NECAB2: variants seen among roughly 807,000 people sequenced by gnomAD.
NECAB2 encodes the protein N-terminal EF-hand calcium binding protein 2, also known as N-terminal EF-hand calcium-binding protein 2.
Under a neutral mutation model 51.9 loss-of-function variants are expected in NECAB2, and 68 were observed. The ratio of observed to expected loss-of-function variants is 1.31; its 90% CI spans 1.08 to 1.60. The LOEUF (loss-of-function observed/expected upper bound fraction) is 1.60, where lower values mean the gene tolerates loss of function less well. NECAB2 is among the 40% of genes most tolerant of loss of function. NECAB2 has a pLI of 0.00. For synonymous variants in NECAB2, 329 were observed against 203.5 expected, an observed-to-expected ratio of 1.62 and a Z score of -5.25; for missense variants, 854 against 490.3, an observed-to-expected ratio of 1.74 and a Z score of -7.00.
At chr16:83,992,375 C>CG (rs1686923589) in intron 6 of NECAB2, among the ~76,000 whole-genome samples, 1 of 124,132 alleles carries the variant, frequency 8.1e-6, no homozygotes, top group African/African-American at 5.8e-5. Context: ...CACGAGCACC[C>CG]GTCCCCCCGC....
At chr16:83,980,778 G>A in intron 3 of NECAB2, 61 bp from the exon 4 acceptor site, 1 of 1,538,736 alleles carries the variant, frequency 6.5e-7, no homozygotes, top group Non-Finnish European at 8.8e-7. Context: ...GGCTGTGCAG[G>A]GTCAGGCCTG....
At chr16:83,969,470 C>A (rs1332802699) in intron 1 of NECAB2, among the ~76,000 whole-genome samples, 2 of 151,832 alleles carry the variant, frequency 1.3e-5, no homozygotes, top group Admixed American at 6.6e-5. Flanking sequence ...CTCTGGTCTT[C>A]CCCACCCCGC....
In NECAB2 at chr16:83,978,494, G is replaced by A. The variant is rs753504247; in HGVS notation, c.277G>A (p.Val93Ile). The change falls in exon 3 of 13, where the codon GTC becomes ATC. Residue 93 changes from valine to isoleucine, a missense_variant. By Grantham distance (29) the Val-to-Ile change is conservative. Transcript: ENST00000305202. The part of the protein sequence containing the change: ...EEFQLFFADG[V>I]LNEKELEDLF... Reference sequence around the variant, plus strand: ...ATTCCAGCTCTTCTTTGCAGATGGCGTCCTTAATGAGAAAGAACTGGAGGA... The same window carrying A: ...ATTCCAGCTCTTCTTTGCAGATGGCATCCTTAATGAGAAAGAACTGGAGGA... 7.9e-5 allele frequency: 128 copies of A among 1,613,850 alleles called. 1 individual carries two copies. The highest frequency in any genetic ancestry group is 5.7e-4 in the South Asian group (52 of 91,072).
intron 8 of NECAB2, among the ~76,000 whole-genome samples, chr16:83,996,329 G>C (rs183124715): frequency 4.6e-5 from 7 of 152,328 alleles, no homozygotes; most frequent in African/African-American, 1.7e-4. Flanking sequence ...CCAGAAGGCA[G>C]TACCCTTGCC....
Position 83,987,945 on chromosome 16 carries a change from C to G in NECAB2, c.460-2549C>G, listed in dbSNP as rs74032348. ...AGTACATGAAGATTTAATAATGGCA[C>G]GTCTTTGTTATAACTTTATGCCTTT... On this transcript the variant is annotated intron_variant, in intron 5 of 12. Transcript: ENST00000305202. 1.6e-3 allele frequency among the ~76,000 whole-genome samples: 237 copies of G among 152,288 alleles called. 1 individual carries two copies. Among genetic ancestry groups the G allele is most frequent in the African/African-American group, 5.5e-3 (229 of 41,536 alleles).
intron 2 of NECAB2, among the ~76,000 whole-genome samples, chr16:83,977,260 C>T (rs1156660871): frequency 1.3e-5 from 2 of 152,082 alleles, no homozygotes; most frequent in Non-Finnish European, 2.9e-5. Flanking sequence ...GACCTCCATG[C>T]CACTCACATA....
chr16:83,980,894 T>C lies in NECAB2; in HGVS notation c.361+30T>C. The C allele has an allele frequency of 2.5e-6, 4 of 1,613,394 alleles. 1 individual carries two copies. The South Asian group carries it at 3.3e-5, about 13-fold the overall frequency. On this transcript the variant is annotated intron_variant, in intron 4 of 12. Transcript: ENST00000305202. ...GTGCCTGGCTATGCTGGGACCAAGA[T>C]GGGGATGCTGGGATGGGGCTGGATG...
chr16:83,993,700 C>G (rs1336821895), intron 6 of NECAB2: 4 of 150,958 alleles, frequency 2.6e-5, no homozygotes, highest in African/African-American at 1.0e-4. Context: ...CTGTGCCTGT[C>G]AGGGCACGCA....
rs1471560163 is a variant in NECAB2 at position 83,968,620 on chromosome 16, T to C, written c.-29T>C. 5 of 977,692 alleles carry C rather than the reference T, an allele frequency of 5.1e-6. No individual in the cohort carries two copies. The highest frequency in any genetic ancestry group is 6.0e-6 in the Non-Finnish European group (5 of 826,906). 60.6% of individuals were successfully genotyped at this position (977,692 alleles called of 1,614,324 possible). A position where few individuals can be genotyped will look rare whatever the true frequency, so the allele number is the denominator to read the frequency against. The stretch of plus-strand genomic sequence containing the variant: ...CGCAGCTGGGCGGGGGTCGGCGGGC[T>C]TCCGGGCGGCGGCGGCGGGCGCGGC... On this transcript the variant is annotated 5_prime_UTR_variant, in exon 1 of 13. Coordinates refer to ENST00000305202, the MANE Select transcript of NECAB2 (RefSeq NM_019065.3).
intron 2 of NECAB2, among the ~76,000 whole-genome samples, chr16:83,973,779 G>C (rs1377008279): frequency 6.6e-6 from 1 of 152,066 alleles, no homozygotes; most frequent in African/African-American, 2.4e-5. Flanking sequence ...CGTGTTTGTT[G>C]GTGAGAGCGT....
chr16:83,999,459 G>A (rs1326473522), intron 10 of NECAB2, among the ~76,000 whole-genome samples: 1 of 152,284 alleles, frequency 6.6e-6, no homozygotes, highest in African/African-American at 2.4e-5. Context: ...CAAGCCTGGA[G>A]AGCCAGGTGA....
In NECAB2 at chr16:83,980,882, C is replaced by T. The variant is rs754306815; in HGVS notation, c.361+18C>T. ...GCTGTGTGGTAGGTGCCTGGCTATGCTGGGACCAAGATGGGGATGCTGGGA... is the reference window on the plus strand; with the variant it reads ...GCTGTGTGGTAGGTGCCTGGCTATGTTGGGACCAAGATGGGGATGCTGGGA... On this transcript the variant is annotated intron_variant, in intron 4 of 12. Coordinates refer to ENST00000305202, the MANE Select transcript of NECAB2 (RefSeq NM_019065.3). The T allele has an allele frequency of 1.2e-5, 19 of 1,612,774 alleles. No individual in the cohort carries two copies. Among genetic ancestry groups the T allele is most frequent in the Middle Eastern group, 1.6e-4 (1 of 6,082 alleles).
chr16:84,002,202 T>C, intron 12 of NECAB2, 116 bp from the exon 13 acceptor site: 1 of 1,310,036 alleles, frequency 7.6e-7, no homozygotes, highest in Non-Finnish European at 1.1e-6. Context: ...CAAGGACCTG[T>C]GTGTCACACA....
In NECAB2 at chr16:84,002,540, G is replaced by A. The variant is rs935761431; in HGVS notation, c.*194G>A. 1.8e-5 allele frequency: 13 copies of A among 707,386 alleles called. No homozygotes were observed. Among genetic ancestry groups the A allele is most frequent in the Non-Finnish European group, 2.8e-5 (12 of 424,898 alleles). 43.8% of individuals were successfully genotyped at this position (707,386 alleles called of 1,614,324 possible). On this transcript the variant is annotated 3_prime_UTR_variant, in exon 13 of 13. Transcript: ENST00000305202. ...GAGAAGGCAGAGCAGTGTCTGTGCT[G>A]CCAGGTCCTGGTGAAGCCCAAGGTT... is the stretch of plus-strand genomic sequence containing the variant.
chr16:83,994,469 G>A (rs775455815), intron 7 of NECAB2, 49 bp downstream of exon 7: 1 of 1,602,790 alleles, frequency 6.2e-7, no homozygotes, highest in East Asian at 2.2e-5. Context: ...GGGGTCCCGA[G>A]GAGTTCTGAG....
chr16:83,996,946 A>G (rs1484152231), intron 8 of NECAB2, among the ~76,000 whole-genome samples: 1 of 151,836 alleles, frequency 6.6e-6, no homozygotes, highest in South Asian at 2.1e-4. Flanking sequence ...GCTGTTGCTC[A>G]TCATAGTGGC....
chr16:83,997,213 C>G lies in NECAB2; in HGVS notation c.796-3C>G, dbSNP rs761080025. ...AGCATCACTGTGTGCTGGATTGTTT[C>G]AGGCACTGTGGTTCGACCTGCAGCA... On this transcript the variant is annotated splice_region_variant and splice_polypyrimidine_tract_variant and intron_variant, in intron 8 of 12. Transcript: ENST00000305202. 6.2e-7 allele frequency: 1 copy of G among 1,614,042 alleles called. No individual in the cohort carries two copies. The highest frequency in any genetic ancestry group is 1.1e-5 in the South Asian group (1 of 91,090).
Position 84,002,621 on chromosome 16 carries a change from C to T in NECAB2, c.*275C>T, listed in dbSNP as rs1453170445. 7 of 567,782 alleles carry T rather than the reference C, an allele frequency of 1.2e-5. No homozygotes were observed. The Admixed American group carries it at 1.5e-4, about 12-fold the overall frequency. 35.2% of individuals were successfully genotyped at this position (567,782 alleles called of 1,614,324 possible). On this transcript the variant is annotated 3_prime_UTR_variant, in exon 13 of 13. Coordinates refer to ENST00000305202, the MANE Select transcript of NECAB2 (RefSeq NM_019065.3). ...CTGCCTCCTGGTCCTGGCCTCTCCC[C>T]TACCCCTCACATGGCCACGCATGAC...
At chr16:83,969,166 G>C (rs1192029187) in intron 1 of NECAB2, among the ~76,000 whole-genome samples, 2 of 150,504 alleles carry the variant, frequency 1.3e-5, no homozygotes, top group African/African-American at 4.9e-5. Context: ...TTTTGTCCAA[G>C]CCAAACCCCC....
Sources: allele counts gnomAD v4.1 joint callset (sites outside exome capture counted in the v4.1 genomes callset), GRCh38; gene constraint gnomAD v4.1.1; transcripts MANE v1.5; gene names NCBI Gene and HGNC (gene_info 2026-07-23, HGNC 2026-07-21).